Variants in EYA4 observed in about 807,000 individuals in gnomAD.
The protein encoded by EYA4 is EYA transcriptional coactivator and phosphatase 4, also known as protein phosphatase EYA4.
Under a neutral mutation model 87.9 loss-of-function variants are expected in EYA4, and 31 were observed. The ratio of observed to expected loss-of-function variants is 0.35; its 90% CI spans 0.27 to 0.48. EYA4 has a LOEUF of 0.48. Ranked by LOEUF, EYA4 falls within the 20% of genes least tolerant of loss-of-function variation. The pLI is 0.99. For synonymous variants in EYA4, 263 were observed against 270.6 expected, an observed-to-expected ratio of 0.97 and a Z score of 0.28; for missense variants, 678 against 761.4, an observed-to-expected ratio of 0.89 and a Z score of 1.29.
At position 133,481,376 on chromosome 6, in the gene EYA4, G is replaced by C. The variant is rs894086574; in HGVS notation, c.971-87G>C. The C allele has an allele frequency of 6.1e-6, 8 of 1,310,058 alleles. No individual in the cohort carries two copies. In the Admixed American group the frequency reaches 6.7e-5, roughly 11 times the overall value. The allele number at this position is 1,310,058 out of a possible 1,614,324, so 81.2% of individuals were successfully genotyped here. On this transcript the variant is annotated intron_variant, in intron 11 of 19. Transcript: ENST00000355286. ...GCCATCAGGAGGTTTCTATTGTATA[G>C]GAATTTGTTAAGATAATTAATAATG...
intron 1 of EYA4, among the ~76,000 whole-genome samples, chr6:133,260,073 T>C (rs1413542116): frequency 6.6e-6 from 1 of 152,154 alleles, no homozygotes; most frequent in African/African-American, 2.4e-5. Context: ...TGTGTGTATA[T>C]TTTTTTCGTG....
In EYA4 at chr6:133,269,949, T is replaced by C. The variant is rs188010918; in HGVS notation, c.-65-4767T>C. On this transcript the variant is annotated intron_variant, in intron 1 of 19. Transcript: ENST00000355286. ...CAAAACTGAAGCACTTGGAGCCTGA[T>C]GTTCAAGGACAGGAAGTATCCAGCA... Among the ~76,000 whole-genome samples, 710 of 152,286 alleles carry C rather than the reference T, an allele frequency of 4.7e-3. 3 individuals are homozygous for C. The highest frequency in any genetic ancestry group is 0.017 in the African/African-American group (686 of 41,560).
chr6:133,466,397 T>C (rs1241791821), intron 10 of EYA4, among the ~76,000 whole-genome samples: 1 of 152,126 alleles, frequency 6.6e-6, no homozygotes, highest in Non-Finnish European at 1.5e-5. Flanking sequence ...ACCAGTTTGT[T>C]GTTTTGGCTC....
chr6:133,283,130 C>T (rs1777761411), intron 2 of EYA4, among the ~76,000 whole-genome samples: 1 of 151,878 alleles, frequency 6.6e-6, no homozygotes, highest in Non-Finnish European at 1.5e-5. Context: ...CCTGTATCTA[C>T]TAAAAATACA....
chr6:133,423,828 G>A (rs2128566976), intron 3 of EYA4, among the ~76,000 whole-genome samples: 1 of 152,276 alleles, frequency 6.6e-6, no homozygotes, highest in East Asian at 1.9e-4. Context: ...GGGATCTTTG[G>A]GGTGTCAATT....
intron 13 of EYA4, among the ~76,000 whole-genome samples, chr6:133,487,919 C>G (rs745494174): frequency 6.6e-6 from 1 of 152,058 alleles, no homozygotes; most frequent in Non-Finnish European, 1.5e-5. Flanking sequence ...GATAGGGCAC[C>G]AAGTCGGCAT....
At chr6:133,518,616 A>G (rs1334732342) in intron 17 of EYA4, among the ~76,000 whole-genome samples, 1 of 152,196 alleles carries the variant, frequency 6.6e-6, no homozygotes, top group Non-Finnish European at 1.5e-5. Context: ...GAAAGATGTA[A>G]GAATATATTT....
rs80227805 is a variant in EYA4 at position 133,464,515 on chromosome 6, A to G, written c.725-264A>G. ...CATACCCCTGCACTTCTAGACTCTT[A>G]ACCCTTGAATGTTGGCCTCACTCCT... On this transcript the variant is annotated intron_variant, in intron 9 of 19. Transcript: ENST00000355286. Among the ~76,000 whole-genome samples, 1,731 of 152,198 alleles carry G rather than the reference A, an allele frequency of 0.011. 37 individuals are homozygous for G. The highest frequency in any genetic ancestry group is 0.039 in the African/African-American group (1,635 of 41,532).
chr6:133,313,888 A>G (rs879200368), intron 2 of EYA4, among the ~76,000 whole-genome samples: 2 of 134,848 alleles, frequency 1.5e-5, no homozygotes, highest in Non-Finnish European at 3.4e-5. Flanking sequence ...GATCTTTCTG[A>G]TGTCTTATTT....
chr6:133,280,366 A>G (rs1203652768), intron 2 of EYA4, among the ~76,000 whole-genome samples: 1 of 151,578 alleles, frequency 6.6e-6, no homozygotes, highest in Non-Finnish European at 1.5e-5. Context: ...ATTAAGGCTT[A>G]CTCTTCCTTT....
rs375316685 is a variant in EYA4, at chr6:133,460,271, A to G, written c.371-843A>G. Among the ~76,000 whole-genome samples, 26 of 152,260 alleles carry G rather than the reference A, an allele frequency of 1.7e-4. No homozygotes were observed. In the South Asian group the frequency reaches 5.4e-3, roughly 32 times the overall value. Reference sequence around the variant, plus strand: ...ATAAAGACACTCTGTGTGCTCGCTCAGTGTGGATTGGCTCTAAGGGAACTG... The same window carrying G: ...ATAAAGACACTCTGTGTGCTCGCTCGGTGTGGATTGGCTCTAAGGGAACTG... On this transcript the variant is annotated intron_variant, in intron 6 of 19. Transcript: ENST00000355286.
At chr6:133,501,188 A>C (rs1798085213) in intron 13 of EYA4, among the ~76,000 whole-genome samples, 1 of 151,978 alleles carries the variant, frequency 6.6e-6, no homozygotes, top group Admixed American at 6.6e-5. Context: ...TTTGCTTTAA[A>C]TTAGCCCTTT....
At chr6:133,349,652 G>A (rs573698232) in intron 2 of EYA4, among the ~76,000 whole-genome samples, 2 of 151,318 alleles carry the variant, frequency 1.3e-5, no homozygotes, top group South Asian at 4.1e-4. Context: ...TGTATGAAAT[G>A]CTTTGAGTGC....
rs1474272705 is a variant in EYA4, at chr6:133,382,488, T to C, written c.83+47T>C. ...GACTCCCCTAAGGAGAATTGCAGTT[T>C]CGGAGCACTAGTAAGATGTTATACC... On this transcript the variant is annotated intron_variant, in intron 3 of 19. Transcript: ENST00000355286. The C allele has an allele frequency of 3.2e-6, 4 of 1,255,652 alleles. No individual in the cohort carries two copies. In the Admixed American group the frequency reaches 6.7e-5, roughly 21 times the overall value. The allele number at this position is 1,255,652 out of a possible 1,614,324, so 77.8% of individuals were successfully genotyped here. A position where few individuals can be genotyped will look rare whatever the true frequency, so the allele number is the denominator to read the frequency against.
intron 1 of EYA4, among the ~76,000 whole-genome samples, chr6:133,263,432 C>T (rs1775957698): frequency 6.6e-6 from 1 of 152,088 alleles, no homozygotes; most frequent in African/African-American, 2.4e-5. Flanking sequence ...TCTGTCTTTC[C>T]CTACAGACCA....
chr6:133,507,414 T>C (rs1798739790), intron 14 of EYA4: 1 of 151,900 alleles, frequency 6.6e-6, no homozygotes, highest in Admixed American at 6.6e-5. Context: ...CTGGAGTACA[T>C]GCGCAGAACG....
intron 19 of EYA4, 109 bp from the exon 20 acceptor site, chr6:133,528,616 A>G: frequency 1.2e-6 from 1 of 864,058 alleles, no homozygotes; most frequent in Non-Finnish European, 2.0e-6. Context: ...TGGGTGGACC[A>G]CACATCCCTG....
intron 11 of EYA4, among the ~76,000 whole-genome samples, chr6:133,473,186 G>C (rs9493629): frequency 0.02 from 3,102 of 152,060 alleles, 117 homozygotes; most frequent in African/African-American, 0.07. Flanking sequence ...TTGGATGGGA[G>C]GGAAAATAGG....
At chr6:133,502,559 G>A (rs1315436248) in intron 13 of EYA4, 1 of 152,188 alleles carries the variant, frequency 6.6e-6, no homozygotes, top group Non-Finnish European at 1.5e-5. Context: ...CATTGCTAAG[G>A]CTACACCCAC....
Sources: gnomAD v4.1 joint callset for allele counts (sites outside exome capture counted in the v4.1 genomes callset) on GRCh38, gnomAD v4.1.1 for gene constraint, MANE v1.5 for transcripts, NCBI Gene and HGNC (gene_info 2026-07-23, HGNC 2026-07-21) for gene names.